The following CATSPERB variants were observed in gnomAD, a reference collection of about 807,000 sequenced individuals.
The protein encoded by CATSPERB is cation channel sperm-associated auxiliary subunit beta.
Under a neutral mutation model 128.3 loss-of-function variants are expected in CATSPERB, and 93 were observed. That is an observed-to-expected ratio of 0.72 (90% CI 0.61 to 0.86). The LOEUF is 0.86. Ranked by LOEUF, CATSPERB falls within the 40% of genes least tolerant of loss-of-function variation. CATSPERB has a pLI of 0.00. For missense variants in CATSPERB, 1,153 were observed against 1,329.5 expected, an observed-to-expected ratio of 0.87 and a Z score of 2.06; for synonymous variants, 381 against 448.8, an observed-to-expected ratio of 0.85 and a Z score of 1.91.
At chr14:91,670,095 G>A in intron 13 of CATSPERB, 123 bp from the exon 14 acceptor site, 1 of 841,774 alleles carries the variant, frequency 1.2e-6, no homozygotes, top group Non-Finnish European at 1.9e-6. Context: ...GAACTAGAAG[G>A]ATTAGCAGTA....
At chr14:91,689,335 GAGGTA>G (rs1209048498) in intron 10 of CATSPERB, among the ~76,000 whole-genome samples, 1 of 152,168 alleles carries the variant, frequency 6.6e-6, no homozygotes, top group East Asian at 1.9e-4. Context: ...AACCATGAGT[GAGGTA>G]ACGACATGCC....
intron 6 of CATSPERB, among the ~76,000 whole-genome samples, chr14:91,705,460 TCAGAGGTGAAGCATCTCCAATG>T (rs555689301): frequency 5.2e-4 from 79 of 152,254 alleles, no homozygotes; most frequent in African/African-American, 1.8e-3. Flanking sequence ...GAGAAAGCAA[TCAGAGGTGAAGCATCTCCAATG>T]CAGCACAGGC....
At chr14:91,640,358 AG>A (rs1894470693) in intron 15 of CATSPERB, among the ~76,000 whole-genome samples, 1 of 139,218 alleles carries the variant, frequency 7.2e-6, no homozygotes, top group South Asian at 2.4e-4. Flanking sequence ...CTCGTCATCT[AG>A]CATTAGGTAT....
intron 25 of CATSPERB, 89 bp from the exon 26 acceptor site, chr14:91,587,365 C>T: frequency 2.5e-6 from 2 of 795,530 alleles, no homozygotes; most frequent in South Asian, 2.4e-5. Flanking sequence ...GGCCACTGTC[C>T]CTATAGATGC....
intron 6 of CATSPERB, among the ~76,000 whole-genome samples, chr14:91,707,097 A>T (rs928017600): frequency 5.3e-5 from 8 of 152,158 alleles, no homozygotes; most frequent in Non-Finnish European, 7.4e-5. Context: ...TTTAAGTTAT[A>T]ATTACAATAA....
rs543262773 is a variant in CATSPERB at position 91,731,794 on chromosome 14, A to G, written c.-1+136T>C. On this transcript the variant is annotated intron_variant, in intron 1 of 26. Coordinates refer to ENST00000256343, the MANE Select transcript of CATSPERB (RefSeq NM_024764.4). ...TCTCTGGCACTAAATAAACATTGGG[A>G]ATTGCCCCATTGAAGGAAGCTATTT... 6 of 152,246 alleles carry G rather than the reference A, an allele frequency of 3.9e-5. No individual in the cohort carries two copies. The South Asian group carries it at 1.2e-3, about 32-fold the overall frequency. 9.4% of individuals were successfully genotyped at this position (152,246 alleles called of 1,614,324 possible).
At chr14:91,713,641 A>C (rs183767406) in intron 5 of CATSPERB, among the ~76,000 whole-genome samples, 2 of 152,318 alleles carry the variant, frequency 1.3e-5, no homozygotes, top group Admixed American at 1.3e-4. Context: ...GAAAACTTGA[A>C]TATTCCTAAA....
intron 26 of CATSPERB, 36 bp downstream of exon 26, chr14:91,587,166 C>A: frequency 6.7e-7 from 1 of 1,496,964 alleles, no homozygotes; most frequent in Non-Finnish European, 9.1e-7. Flanking sequence ...TTTTCCCCAG[C>A]CATCACCCCT....
intron 18 of CATSPERB, among the ~76,000 whole-genome samples, chr14:91,622,521 T>G (rs996416615): frequency 2.6e-5 from 4 of 152,168 alleles, no homozygotes; most frequent in Non-Finnish European, 5.9e-5. Flanking sequence ...AAGACATCAA[T>G]GAAGCCAAGG....
intron 26 of CATSPERB, among the ~76,000 whole-genome samples, chr14:91,586,992 C>T (rs1893313767): frequency 6.6e-6 from 1 of 152,206 alleles, no homozygotes; most frequent in Non-Finnish European, 1.5e-5. Context: ...TATTAAAATT[C>T]TGGCAGCATC....
chr14:91,711,825 CA>C (rs1895845082), intron 5 of CATSPERB, among the ~76,000 whole-genome samples: 1 of 152,150 alleles, frequency 6.6e-6, no homozygotes, highest in Non-Finnish European at 1.5e-5. Flanking sequence ...CTAAATAAGC[CA>C]TAAAACACAT....
chr14:91,729,198 G>A (rs918782790), intron 2 of CATSPERB, among the ~76,000 whole-genome samples: 1 of 152,170 alleles, frequency 6.6e-6, no homozygotes. Context: ...AATTAGCCAG[G>A]CGTGGTGGTG....
rs79116483 is a variant in CATSPERB at position 91,637,549 on chromosome 14, C to T, written c.1588-970G>A. Among the ~76,000 whole-genome samples the T allele has an allele frequency of 7.8e-3, 1,182 of 152,264 alleles. 18 individuals are homozygous for T. Among genetic ancestry groups the T allele is most frequent in the Middle Eastern group, 0.01 (3 of 294 alleles). On this transcript the variant is annotated intron_variant, in intron 16 of 26. Transcript: ENST00000256343. Reference sequence around the variant, plus strand: ...GGCAGCAGGTGGCTAAGAGCACAGGCCCCGGAGCCAGTTGCCTGGGATAGA... The same window carrying T: ...GGCAGCAGGTGGCTAAGAGCACAGGTCCCGGAGCCAGTTGCCTGGGATAGA...
intron 5 of CATSPERB, among the ~76,000 whole-genome samples, chr14:91,711,189 T>A (rs1895834339): frequency 6.6e-6 from 1 of 152,188 alleles, no homozygotes; most frequent in African/African-American, 2.4e-5. Flanking sequence ...TCATGAGTTA[T>A]GGGTACTTTT....
chr14:91,720,905 G>A (rs1243351803), intron 4 of CATSPERB, among the ~76,000 whole-genome samples: 1 of 152,172 alleles, frequency 6.6e-6, no homozygotes, highest in African/African-American at 2.4e-5. Flanking sequence ...ATAAAATTGA[G>A]AATCCAGAAA....
chr14:91,700,389 C>T (rs1459880850), intron 7 of CATSPERB, among the ~76,000 whole-genome samples: 1 of 151,930 alleles, frequency 6.6e-6, no homozygotes, highest in Admixed American at 6.6e-5. Flanking sequence ...TGTGTCTTTG[C>T]CGATTTTGGT....
intron 9 of CATSPERB, 102 bp downstream of exon 9, chr14:91,693,024 C>A (rs1895497000): frequency 2.4e-6 from 2 of 846,234 alleles, no homozygotes; most frequent in Admixed American, 4.7e-5. Flanking sequence ...AGAAGCATTT[C>A]AATTTTAAGA....
At chr14:91,715,502 A>G (rs1247514070) in intron 5 of CATSPERB, among the ~76,000 whole-genome samples, 7 of 150,432 alleles carry the variant, frequency 4.7e-5, no homozygotes, top group Non-Finnish European at 3.0e-5. Flanking sequence ...TGGTGAGCCA[A>G]GATCATGCCA....
intron 5 of CATSPERB, among the ~76,000 whole-genome samples, chr14:91,718,576 G>T (rs949852075): frequency 6.6e-6 from 1 of 152,118 alleles, no homozygotes; most frequent in Non-Finnish European, 1.5e-5. Flanking sequence ...TTGGAATTGG[G>T]CTGACCCATA....
Sources: allele counts gnomAD v4.1 joint callset (sites outside exome capture counted in the v4.1 genomes callset), GRCh38; gene constraint gnomAD v4.1.1; transcripts MANE v1.5; gene names NCBI Gene and HGNC (gene_info 2026-07-23, HGNC 2026-07-21).